Variants in MEF2C observed in about 807,000 individuals in gnomAD.
The protein encoded by MEF2C is myocyte enhancer factor 2C.
Under a neutral mutation model 50.5 loss-of-function variants are expected in MEF2C, and 6 were observed. That is an observed-to-expected ratio of 0.12 (90% confidence interval 0.07 to 0.23). The LOEUF (loss-of-function observed/expected upper bound fraction) is 0.23, where lower values mean the gene tolerates loss of function less well. MEF2C is among the 10% of genes least tolerant of loss of function. The probability of loss-of-function intolerance (pLI) is 1.00; values close to 1 mark genes in which losing one functional copy is unlikely to be tolerated. For synonymous variants in MEF2C, 183 were observed against 228.0 expected, an observed-to-expected ratio of 0.80 and a Z score of 1.78; for missense variants, 276 against 605.0, an observed-to-expected ratio of 0.46 and a Z score of 5.70.
intron 3 of MEF2C, among the ~76,000 whole-genome samples, chr5:88,792,567 A>C (rs1269813211): frequency 6.6e-6 from 1 of 152,210 alleles, no homozygotes; most frequent in African/African-American, 2.4e-5. Flanking sequence ...TTCATATTTC[A>C]GTCTAGACCA....
At chr5:88,884,395 A>G (rs1373786553), upstream of MEF2C, 1 of 152,242 alleles carries the variant, frequency 6.6e-6, no homozygotes, top group Non-Finnish European at 1.5e-5. Context: ...CACGCCCAGA[A>G]GTCGCGGTTT....
At chr5:88,851,100 G>A (rs1398335548) in intron 1 of MEF2C, among the ~76,000 whole-genome samples, 1 of 151,860 alleles carries the variant, frequency 6.6e-6, no homozygotes, top group East Asian at 1.9e-4. Flanking sequence ...GGGCGTGGTG[G>A]CGTGCACCTG....
intron 1 of MEF2C, among the ~76,000 whole-genome samples, chr5:88,867,657 T>C (rs1827851191): frequency 6.6e-6 from 1 of 152,284 alleles, no homozygotes; most frequent in Non-Finnish European, 1.5e-5. Context: ...ACACATATCA[T>C]AAAAGTTATT....
chr5:88,735,335 G>A (rs183911155), intron 6 of MEF2C: 478 of 985,292 alleles, frequency 4.9e-4, no homozygotes, highest in Non-Finnish European at 5.6e-4. Flanking sequence ...CTAATATATG[G>A]ATTCAACCTT....
In MEF2C at chr5:88,717,161, A is replaced by G. The variant is rs1755080838; in HGVS notation, c.*5443T>C. On this transcript the variant is annotated 3_prime_UTR_variant, in exon 11 of 11. Coordinates refer to ENST00000504921, the MANE Select transcript of MEF2C (RefSeq NM_002397.5). Reference sequence around the variant, plus strand: ...TTTATTATCAGGATATTATCAGGATAATGATAGCAGAACACTAAACGAAAC... The same window carrying G: ...TTTATTATCAGGATATTATCAGGATGATGATAGCAGAACACTAAACGAAAC... 6.6e-6 allele frequency: 1 copy of G among 152,242 alleles called. No individual in the cohort carries two copies. Among genetic ancestry groups the G allele is most frequent in the South Asian group, 2.1e-4 (1 of 4,828 alleles). The allele number at this position is 152,242 out of a possible 1,614,324, so 9.4% of individuals were successfully genotyped here.
chr5:88,740,284 G>A, intron 6 of MEF2C: 1 of 926,776 alleles, frequency 1.1e-6, no homozygotes, highest in African/African-American at 1.8e-5. Flanking sequence ...TTAACAGTCT[G>A]TCAATGAGAC....
In MEF2C at chr5:88,728,501, A is replaced by G; in HGVS notation, c.1092T>C (p.Ser364=). ...AAAATAATATTGCTTACCCCAACTG[A>G]CTGAGGGCAGATGGTGGCATGTTAT... ...HLHNMPPSAL[S]QLGACTSTHL... is the part of the protein sequence containing the mutation. The change falls in exon 10 of 11, where the codon AGT becomes AGC. Residue 364 remains serine, a synonymous_variant. Coordinates refer to ENST00000504921, the MANE Select transcript of MEF2C (RefSeq NM_002397.5). 6.7e-7 allele frequency: 1 copy of G among 1,499,862 alleles called. No individual in the cohort carries two copies. Among genetic ancestry groups the G allele is most frequent in the South Asian group, 1.4e-5 (1 of 72,482 alleles). 92.9% of individuals were successfully genotyped at this position (1,499,862 alleles called of 1,614,324 possible). A position where few individuals can be genotyped will look rare whatever the true frequency, so the allele number is the denominator to read the frequency against.
At chr5:88,758,616 C>T (rs2152626982) in intron 4 of MEF2C, among the ~76,000 whole-genome samples, 1 of 152,254 alleles carries the variant, frequency 6.6e-6, no homozygotes, top group Non-Finnish European at 1.5e-5. Context: ...AGTGTCCTTG[C>T]CCTGCTGTAA....
At chr5:88,831,904 A>T (rs1469493381) in intron 1 of MEF2C, among the ~76,000 whole-genome samples, 2 of 152,098 alleles carry the variant, frequency 1.3e-5, no homozygotes, top group Admixed American at 6.6e-5. Context: ...TGATCTTCTG[A>T]CAGCAATCAT....
At chr5:88,851,477 T>C (rs1377080588) in intron 1 of MEF2C, among the ~76,000 whole-genome samples, 1 of 152,202 alleles carries the variant, frequency 6.6e-6, no homozygotes, top group Non-Finnish European at 1.5e-5. Context: ...TGCTTCATTT[T>C]TGAATAATGC....
intron 6 of MEF2C, chr5:88,737,639 C>A: frequency 1.0e-6 from 1 of 985,242 alleles, no homozygotes. Context: ...TAAGAGTGAA[C>A]AGGAATTTAT....
rs1031037375 is a variant in MEF2C at position 88,719,702 on chromosome 5, G to A, written c.*2902C>T. 2 of 152,178 alleles carry A rather than the reference G, an allele frequency of 1.3e-5. No homozygotes were observed. The highest frequency in any genetic ancestry group is 4.8e-5 in the African/African-American group (2 of 41,454). The allele number at this position is 152,178 out of a possible 1,614,324, so 9.4% of individuals were successfully genotyped here. A position where few individuals can be genotyped will look rare whatever the true frequency, so the allele number is the denominator to read the frequency against. On this transcript the variant is annotated 3_prime_UTR_variant, in exon 11 of 11. Coordinates refer to ENST00000504921, the MANE Select transcript of MEF2C (RefSeq NM_002397.5). The stretch of plus-strand genomic sequence containing the variant: ...AGGTATAAGGGTAAAGATAGACCAA[G>A]ATTGTTTACAGAAAGTGACTCATCA...
intron 1 of MEF2C, among the ~76,000 whole-genome samples, chr5:88,849,107 C>T (rs1383708953): frequency 4.1e-5 from 6 of 145,942 alleles, no homozygotes; most frequent in African/African-American, 1.5e-4. Flanking sequence ...GCCGAGATCG[C>T]GCCAGTGCAC....
chr5:88,868,906 C>G (rs186926736), intron 1 of MEF2C, among the ~76,000 whole-genome samples: 301 of 152,026 alleles, frequency 2.0e-3, no homozygotes, highest in African/African-American at 7.0e-3. Context: ...ATGTTCACAT[C>G]GTCAAAAAAC....
At chr5:88,851,281 C>A (rs147482944) in intron 1 of MEF2C, among the ~76,000 whole-genome samples, 57 of 148,530 alleles carry the variant, frequency 3.8e-4, no homozygotes, top group Middle Eastern at 3.5e-3. Context: ...ATATAACACA[C>A]AAAGTATGTG....
intron 3 of MEF2C, among the ~76,000 whole-genome samples, chr5:88,763,101 C>T (rs536078874): frequency 2.0e-4 from 30 of 152,196 alleles, no homozygotes; most frequent in African/African-American, 6.3e-4. Context: ...CACAGTGGCT[C>T]TGTAAATATT....
At chr5:88,823,985 A>G in intron 1 of MEF2C, 55 bp from the exon 2 acceptor site, 1 of 1,334,480 alleles carries the variant, frequency 7.5e-7, no homozygotes, top group East Asian at 2.6e-5. Flanking sequence ...GTTTCATAAG[A>G]ACTATCATAT....
rs957246190 is a variant in MEF2C, at chr5:88,717,852, G to A, written c.*4752C>T. The stretch of plus-strand genomic sequence containing the variant: ...AGAAATTACTTCGAAGAAGAAAAAA[G>A]GAACTCTTTTGGAAACACTTTCTAC... On this transcript the variant is annotated 3_prime_UTR_variant, in exon 11 of 11. Coordinates refer to ENST00000504921, the MANE Select transcript of MEF2C (RefSeq NM_002397.5). The A allele has an allele frequency of 1.3e-5, 2 of 151,934 alleles. No individual in the cohort carries two copies. Among genetic ancestry groups the A allele is most frequent in the African/African-American group, 4.8e-5 (2 of 41,258 alleles). 9.4% of individuals were successfully genotyped at this position (151,934 alleles called of 1,614,324 possible). A position where few individuals can be genotyped will look rare whatever the true frequency, so the allele number is the denominator to read the frequency against.
intron 1 of MEF2C, chr5:88,827,337 AC>A (rs1170434996): frequency 6.6e-6 from 1 of 152,094 alleles, no homozygotes; most frequent in African/African-American, 2.4e-5. Flanking sequence ...GGAAACACGC[AC>A]ACAGACTGGT....
Sources: allele counts gnomAD v4.1 joint callset (sites outside exome capture counted in the v4.1 genomes callset), GRCh38; gene constraint gnomAD v4.1.1; transcripts MANE v1.5; gene names NCBI Gene and HGNC (gene_info 2026-07-23, HGNC 2026-07-21).